Variants in SSBP2 observed in about 807,000 individuals in gnomAD.
The protein encoded by SSBP2 is single-stranded DNA-binding protein 2.
SSBP2 carries 17 observed loss-of-function variants against 61.8 expected under a neutral mutation model. That is an observed-to-expected ratio of 0.28 (90% CI 0.19 to 0.41). The LOEUF (loss-of-function observed/expected upper bound fraction) is 0.41, where lower values mean the gene tolerates loss of function less well. Ranked by LOEUF, SSBP2 falls within the 10% of genes least tolerant of loss-of-function variation. The pLI is 1.00. For missense variants in SSBP2, 310 were observed against 458.7 expected (o/e 0.68, Z 2.96); for synonymous variants, 139 against 141.3 (o/e 0.98, Z 0.12).
intron 4 of SSBP2, among the ~76,000 whole-genome samples, chr5:81,585,788 T>C (rs1775013608): frequency 6.6e-6 from 1 of 152,102 alleles, no homozygotes; most frequent in Non-Finnish European, 1.5e-5. Context: ...AAAATTTAGA[T>C]CCTTTGACCA....
At chr5:81,693,202 T>TAA (rs34403567) in intron 1 of SSBP2, among the ~76,000 whole-genome samples, 13 of 116,122 alleles carry the variant, frequency 1.1e-4, no homozygotes, top group East Asian at 2.5e-4. Flanking sequence ...GACTTTGTCT[T>TAA]AAAAAAAAAA....
intron 1 of SSBP2, among the ~76,000 whole-genome samples, chr5:81,728,606 A>G (rs1353264063): frequency 6.6e-6 from 1 of 152,222 alleles, no homozygotes. Context: ...ACCACACACA[A>G]TAATAGTGTG....
intron 1 of SSBP2, among the ~76,000 whole-genome samples, chr5:81,746,842 A>G (rs946517824): frequency 1.3e-5 from 2 of 152,120 alleles, no homozygotes; most frequent in East Asian, 3.9e-4. Flanking sequence ...TGTGCTTTAC[A>G]TAAAAGATCA....
chr5:81,665,813 A>AT (rs1429854090), intron 1 of SSBP2, among the ~76,000 whole-genome samples: 3 of 152,306 alleles, frequency 2.0e-5, no homozygotes, highest in African/African-American at 7.2e-5. Flanking sequence ...CCTTGGAGTC[A>AT]TTTTAGATCT....
At chr5:81,434,633 C>CAAAAAAAAAAAAAAAAAAAAAAA (rs34269591) in intron 15 of SSBP2, among the ~76,000 whole-genome samples, 3 of 43,022 alleles carry the variant, frequency 7.0e-5, no homozygotes, top group African/African-American at 9.4e-5. Context: ...ACTCTTGACT[C>CAAAAAAAAAAAAAAAAAAAAAAA]AAAAAAAAAA....
At chr5:81,615,971 A>C (rs993373328) in intron 3 of SSBP2, 1 of 158,080 alleles carries the variant, frequency 6.3e-6, no homozygotes, top group Admixed American at 6.3e-5. Flanking sequence ...TTTGTTGTCC[A>C]ACTCATAGGC....
chr5:81,559,445 T>A (rs1020274621), intron 4 of SSBP2, among the ~76,000 whole-genome samples: 8 of 150,828 alleles, frequency 5.3e-5, no homozygotes, highest in African/African-American at 1.9e-4. Context: ...GTCCCAGCTA[T>A]TTGGGAGGCT....
intron 14 of SSBP2, among the ~76,000 whole-genome samples, chr5:81,438,738 A>G (rs966137265): frequency 6.6e-6 from 1 of 152,224 alleles, no homozygotes; most frequent in Admixed American, 6.5e-5. Flanking sequence ...TTTACCAAAT[A>G]TCATCTTTTT....
rs116368895 is a variant in SSBP2 at position 81,652,935 on chromosome 5, C to T, written c.63-2596G>A. Among the ~76,000 whole-genome samples, 116 of 150,826 alleles carry T rather than the reference C, an allele frequency of 7.7e-4. 1 individual carries two copies. Among genetic ancestry groups the T allele is most frequent in the African/African-American group, 2.7e-3 (111 of 41,198 alleles). On this transcript the variant is annotated intron_variant, in intron 1 of 16. Coordinates refer to ENST00000320672, the MANE Select transcript of SSBP2 (RefSeq NM_012446.5). ...CTTTCCCCCAAGTCCCCAAAGTTCA[C>T]TGTATCACTTTTTTTTTTTTCATTA...
At chr5:81,584,539 C>T (rs1774922274) in intron 4 of SSBP2, among the ~76,000 whole-genome samples, 1 of 152,118 alleles carries the variant, frequency 6.6e-6, no homozygotes, top group Non-Finnish European at 1.5e-5. Context: ...AGTTGCTCTC[C>T]AAGTTGTTCA....
At chr5:81,528,122 A>G (rs566542353) in intron 4 of SSBP2, among the ~76,000 whole-genome samples, 2 of 152,146 alleles carry the variant, frequency 1.3e-5, no homozygotes, top group East Asian at 3.9e-4. Context: ...AAATAACACT[A>G]AAGGGACAGG....
intron 5 of SSBP2, among the ~76,000 whole-genome samples, chr5:81,505,198 A>G (rs1045635428): frequency 6.6e-6 from 1 of 151,888 alleles, no homozygotes; most frequent in Non-Finnish European, 1.5e-5. Context: ...ATGCTCTTTA[A>G]TTTACATAAT....
At chr5:81,530,712 T>C (rs1032397130) in intron 4 of SSBP2, among the ~76,000 whole-genome samples, 1 of 152,080 alleles carries the variant, frequency 6.6e-6, no homozygotes, top group Non-Finnish European at 1.5e-5. Flanking sequence ...TTTCTCTCCT[T>C]TGAGTCAATG....
chr5:81,690,303 T>A (rs1581353748), intron 1 of SSBP2, among the ~76,000 whole-genome samples: 1 of 152,074 alleles, frequency 6.6e-6, no homozygotes, highest in African/African-American at 2.4e-5. Context: ...TCAAAAGTCA[T>A]AGTGTAGCTG....
intron 4 of SSBP2, among the ~76,000 whole-genome samples, chr5:81,586,508 T>C (rs1775062800): frequency 6.6e-6 from 1 of 151,186 alleles, no homozygotes; most frequent in Non-Finnish European, 1.5e-5. Context: ...TAAAAGAAAA[T>C]AATAGCTTAT....
chr5:81,531,077 A>C (rs990490765), intron 4 of SSBP2, among the ~76,000 whole-genome samples: 5 of 151,758 alleles, frequency 3.3e-5, no homozygotes, highest in South Asian at 2.1e-4. Flanking sequence ...CCAAACCAAA[A>C]CAAAACAAAA....
chr5:81,513,821 G>T (rs1324501995), intron 4 of SSBP2, 104 bp from the exon 5 acceptor site: 1 of 671,856 alleles, frequency 1.5e-6, no homozygotes, highest in Non-Finnish European at 2.6e-6. Context: ...TTCATGCCTG[G>T]GAACAAATAC....
At chr5:81,607,298 CG>C (rs1744979053) in intron 4 of SSBP2, among the ~76,000 whole-genome samples, 1 of 152,052 alleles carries the variant, frequency 6.6e-6, no homozygotes, top group Non-Finnish European at 1.5e-5. Context: ...GAAAGAATCA[CG>C]TAAGAGTGGT....
At chr5:81,512,531 C>T (rs573426557) in intron 5 of SSBP2, among the ~76,000 whole-genome samples, 20 of 152,062 alleles carry the variant, frequency 1.3e-4, no homozygotes, top group East Asian at 1.9e-4. Flanking sequence ...AGGGCCCCCA[C>T]GACAGAATGT....
Sources: allele counts gnomAD v4.1 joint callset (sites outside exome capture counted in the v4.1 genomes callset), GRCh38; gene constraint gnomAD v4.1.1; transcripts MANE v1.5; gene names NCBI Gene and HGNC (gene_info 2026-07-23, HGNC 2026-07-21).